OR2F2: variants seen among roughly 807,000 people sequenced by gnomAD.
OR2F2 encodes olfactory receptor 2F2.
For synonymous variants in OR2F2, 161 were observed against 159.0 expected, an observed-to-expected ratio of 1.01 and a Z score of -0.09; for missense variants, 375 against 380.2, an observed-to-expected ratio of 0.99 and a Z score of 0.11.
At position 143,935,448 on chromosome 7, in the gene OR2F2, C is replaced by A. The variant is rs1327926629; in HGVS notation, c.216C>A (p.Ser72=). 6.2e-6 allele frequency: 10 copies of A among 1,614,068 alleles called. No individual in the cohort carries two copies. The highest frequency in any genetic ancestry group is 1.7e-5 in the Admixed American group (1 of 60,006). ...CCAACCTCTCCCTTGTCGATGTCTC[C>A]TATGCCACAAGCGTAGTCCCCCAGC... ...FLTNLSLVDV[S]YATSVVPQLL... Residue 72 remains serine, a synonymous_variant, in exon 1 of 1, where the codon TCC becomes TCA. Coordinates refer to ENST00000408955, the MANE Select transcript of OR2F2 (RefSeq NM_001004685.1).
Position 143,935,840 on chromosome 7 carries a change from G to A in OR2F2, c.608G>A (p.Ser203Asn). ...SSNEAAIMVS[S>N]IVLLMTPFCL... ...AATGAGGCTGCCATCATGGTGTCTA[G>A]CATTGTTCTTCTGATGACACCTTTC... is the stretch of plus-strand genomic sequence containing the variant. The change falls in exon 1 of 1, where the codon AGC (serine) becomes AAC (asparagine). Residue 203 changes from serine to asparagine, a missense_variant. Transcript: ENST00000408955. The A allele has an allele frequency of 6.2e-7, 1 of 1,614,214 alleles. No homozygotes were observed. The highest frequency in any genetic ancestry group is 2.2e-5 in the East Asian group (1 of 44,886).
In OR2F2 at chr7:143,935,752, A is replaced by G. The variant is rs775922854; in HGVS notation, c.520A>G (p.Ile174Val). The G allele has an allele frequency of 2.5e-6, 4 of 1,614,208 alleles. No individual in the cohort carries two copies. The Admixed American group carries it at 5.0e-5, about 20-fold the overall frequency. Reference protein sequence around the residue: ...FQLPMCTNKFIDHISCELLAV... With the variant: ...FQLPMCTNKFVDHISCELLAV... ...GCTGCCCATGTGCACTAACAAGTTT[A>G]TTGATCACATATCCTGTGAACTCCT... Residue 174 changes from isoleucine (I) to valine (V), a missense_variant, in exon 1 of 1, where the codon ATT (isoleucine) becomes GTT (valine). Physicochemically the swap from Ile to Val is conservative, Grantham distance 29. Transcript: ENST00000408955.
Sources: gnomAD v4.1 joint callset for allele counts on GRCh38, gnomAD v4.1.1 for gene constraint, MANE v1.5 for transcripts, NCBI Gene and HGNC (gene_info 2026-07-23, HGNC 2026-07-21) for gene names.